The following HTR3B variants were observed in gnomAD, a reference collection of about 807,000 sequenced individuals.
The protein encoded by HTR3B is 5-hydroxytryptamine (serotonin) receptor 3B, ionotropic.
In HTR3B, 44 loss-of-function variants were observed where a neutral mutation model predicts 42.8. The observed-to-expected ratio is 1.03, with a 90% confidence interval of 0.81 to 1.32. The LOEUF is 1.32. HTR3B is among the 40% of genes most tolerant of loss of function. The probability of loss-of-function intolerance (pLI) is 0.00; values close to 1 mark genes in which losing one functional copy is unlikely to be tolerated. For missense variants in HTR3B, 527 were observed against 536.5 expected, an observed-to-expected ratio of 0.98 and a Z score of 0.17; for synonymous variants, 203 against 209.0, an observed-to-expected ratio of 0.97 and a Z score of 0.25.
intron 7 of HTR3B, among the ~76,000 whole-genome samples, chr11:113,944,284 T>C (rs1318351716): frequency 6.6e-6 from 1 of 152,058 alleles, no homozygotes; most frequent in Non-Finnish European, 1.5e-5. Flanking sequence ...TCCCAAAGTG[T>C]TGGGATTACA....
At chr11:113,941,418 A>C (rs76566581) in intron 6 of HTR3B, among the ~76,000 whole-genome samples, 2,863 of 152,242 alleles carry the variant, frequency 0.019, 99 homozygotes, top group African/African-American at 0.064. Flanking sequence ...TATTAAAGAC[A>C]CTTGCCATCA....
intron 2 of HTR3B, among the ~76,000 whole-genome samples, chr11:113,914,195 CA>C (rs982804668): frequency 5.9e-5 from 9 of 151,936 alleles, no homozygotes; most frequent in Non-Finnish European, 1.3e-4. Flanking sequence ...TGGCTGGGCG[CA>C]GTGGCTTACG....
At chr11:113,908,918 G>A (rs533080276) in intron 1 of HTR3B, 39 of 279,622 alleles carry the variant, frequency 1.4e-4, no homozygotes, top group Middle Eastern at 1.0e-3. Flanking sequence ...AAACCAACGC[G>A]GGAGTTAAGT....
chr11:113,932,610 C>T (rs1446066175), intron 5 of HTR3B, 152 bp downstream of exon 5: 1 of 712,986 alleles, frequency 1.4e-6, no homozygotes, highest in Non-Finnish European at 2.3e-6. Flanking sequence ...TGCTGTAATC[C>T]AGACCAAGTA....
intron 2 of HTR3B, among the ~76,000 whole-genome samples, chr11:113,913,454 G>A (rs868601431): frequency 1.2e-3 from 160 of 136,982 alleles, no homozygotes; most frequent in Middle Eastern, 8.8e-3. Context: ...CAGGTGATCC[G>A]CCTGCCTTGG....
intron 2 of HTR3B, among the ~76,000 whole-genome samples, chr11:113,921,976 A>G (rs1949920160): frequency 6.6e-6 from 1 of 152,178 alleles, no homozygotes; most frequent in Admixed American, 6.5e-5. Context: ...CCTGTCTACC[A>G]TCTTACATTA....
At position 113,945,891 on chromosome 11, in the gene HTR3B, C is replaced by A; in HGVS notation, c.1091-11C>A. The A allele has an allele frequency of 6.2e-7, 1 of 1,604,788 alleles. No individual in the cohort carries two copies. The highest frequency in any genetic ancestry group is 8.5e-7 in the Non-Finnish European group (1 of 1,171,574). ...CCTGGCTCACCCAGGGTGTTTTCCT[C>A]CATCACACAGAGTCCTCGCTGTATG... On this transcript the variant is annotated splice_polypyrimidine_tract_variant and intron_variant, in intron 8 of 8. Transcript: ENST00000260191.
chr11:113,937,413 G>A (rs1440119868), intron 6 of HTR3B, among the ~76,000 whole-genome samples: 2 of 152,168 alleles, frequency 1.3e-5, no homozygotes, highest in African/African-American at 2.4e-5. Context: ...TGAACACTTA[G>A]GACATAAAGA....
chr11:113,931,892 G>A (rs756097262), intron 4 of HTR3B, 25 bp downstream of exon 4: 2 of 1,325,530 alleles, frequency 1.5e-6, no homozygotes, highest in South Asian at 2.3e-5. Context: ...GTGTATTTCT[G>A]TGGGGTTTAG....
chr11:113,928,592 C>T lies in HTR3B; in HGVS notation c.214-2792C>T, dbSNP rs1228579693. Among the ~76,000 whole-genome samples the T allele has an allele frequency of 3.9e-5, 6 of 152,274 alleles. No individual in the cohort carries two copies. The East Asian group carries it at 5.8e-4, about 15-fold the overall frequency. ...TCATTCTGTTGCCCAGGCTGGAGTGCAGTGGCACAATCTTGGCTCACTGCA... is the reference window on the plus strand; with the variant it reads ...TCATTCTGTTGCCCAGGCTGGAGTGTAGTGGCACAATCTTGGCTCACTGCA... On this transcript the variant is annotated intron_variant, in intron 2 of 8. Coordinates refer to ENST00000260191, the MANE Select transcript of HTR3B (RefSeq NM_006028.5).
At position 113,947,498 on chromosome 11, in the gene HTR3B, C is replaced by T. The variant is rs116475572; in HGVS notation, c.*1361C>T. ...TCTCACCAGTCTGGAAGCTAGAAGC[C>T]TAAGATCAAGGTGCAAACAGGGTGG... is the stretch of plus-strand genomic sequence containing the variant. On this transcript the variant is annotated 3_prime_UTR_variant, in exon 9 of 9. Coordinates refer to ENST00000260191, the MANE Select transcript of HTR3B (RefSeq NM_006028.5). Among the ~76,000 whole-genome samples, 427 of 152,312 alleles carry T rather than the reference C, an allele frequency of 2.8e-3. 5 individuals carry two copies. The highest frequency in any genetic ancestry group is 9.1e-3 in the African/African-American group (380 of 41,562).
Position 113,923,219 on chromosome 11 carries a change from A to G in HTR3B, c.214-8165A>G, listed in dbSNP as rs535821755. 2.0e-5 allele frequency among the ~76,000 whole-genome samples: 3 copies of G among 152,362 alleles called. No homozygotes were observed. The South Asian group carries it at 6.2e-4, about 32-fold the overall frequency. ...ACAGACAAGGACACTCCCAACGTGAATAGATAACTTGTTGGATGCATCTGC... is the reference window on the plus strand; with the variant it reads ...ACAGACAAGGACACTCCCAACGTGAGTAGATAACTTGTTGGATGCATCTGC... On this transcript the variant is annotated intron_variant, in intron 2 of 8. Transcript: ENST00000260191.
At chr11:113,940,228 A>T (rs1950123512) in intron 6 of HTR3B, among the ~76,000 whole-genome samples, 1 of 152,088 alleles carries the variant, frequency 6.6e-6, no homozygotes, top group Admixed American at 6.5e-5. Context: ...TGCTTAACCA[A>T]CATGGCTTCT....
intron 2 of HTR3B, among the ~76,000 whole-genome samples, chr11:113,925,612 C>T (rs530598961): frequency 1.8e-4 from 28 of 151,680 alleles, no homozygotes; most frequent in East Asian, 1.7e-3. Context: ...TTAGTAGAGA[C>T]GGGGTTTCAC....
intron 1 of HTR3B, among the ~76,000 whole-genome samples, chr11:113,906,836 G>T (rs879816730): frequency 6.6e-6 from 1 of 152,182 alleles, no homozygotes; most frequent in Non-Finnish European, 1.5e-5. Flanking sequence ...TCATAAGTTT[G>T]TTGGGAACTT....
rs1245963596 is a variant in HTR3B, at chr11:113,924,833, C to T, written c.214-6551C>T. On this transcript the variant is annotated intron_variant, in intron 2 of 8. Coordinates refer to ENST00000260191, the MANE Select transcript of HTR3B (RefSeq NM_006028.5). ...ATACTACTTTAAAACTTGCCTTTCC[C>T]AAGTATCTATTTAAATTCCATTAAT... Among the ~76,000 whole-genome samples, 3 of 151,922 alleles carry T rather than the reference C, an allele frequency of 2.0e-5. No individual in the cohort carries two copies. The East Asian group carries it at 5.8e-4, about 29-fold the overall frequency.
chr11:113,930,031 C>A (rs1229379714), intron 2 of HTR3B, among the ~76,000 whole-genome samples: 1 of 152,290 alleles, frequency 6.6e-6, no homozygotes, highest in South Asian at 2.1e-4. Context: ...CCACCGCACC[C>A]GGCCTCGCCC....
At chr11:113,899,168 G>A in the HTR3B span, among the ~76,000 whole-genome samples, 1 of 152,166 alleles carries the variant, frequency 6.6e-6, no homozygotes, top group Non-Finnish European at 1.5e-5. Flanking sequence ...ACCACGAAAG[G>A]CCAGAACCAT....
At chr11:113,905,697 A>G (rs1405028314) in intron 1 of HTR3B, among the ~76,000 whole-genome samples, 1 of 152,224 alleles carries the variant, frequency 6.6e-6, no homozygotes, top group African/African-American at 2.4e-5. Context: ...ACAAATCAAG[A>G]ATTTATGATT....
Sources: gnomAD v4.1 joint callset for allele counts (sites outside exome capture counted in the v4.1 genomes callset) on GRCh38, gnomAD v4.1.1 for gene constraint, MANE v1.5 for transcripts, NCBI Gene and HGNC (gene_info 2026-07-23, HGNC 2026-07-21) for gene names.